Variants in ZNF277 observed in about 807,000 individuals in gnomAD.
The protein encoded by ZNF277 is zinc finger protein 277.
ZNF277 carries 55 observed loss-of-function variants against 60.7 expected under a neutral mutation model. The observed-to-expected ratio is 0.91, with a 90% CI of 0.73 to 1.13. The LOEUF is 1.13. Ranked by LOEUF, ZNF277 falls within the 50% of genes most tolerant of loss-of-function variation. The pLI is 0.00. For missense variants in ZNF277, 510 were observed against 523.0 expected (o/e 0.98, Z 0.24); for synonymous variants, 178 against 179.3 (o/e 0.99, Z 0.06).
In ZNF277 at chr7:112,306,091, G is replaced by A. The variant is rs192100161; in HGVS notation, c.465+9780G>A. On this transcript the variant is annotated intron_variant, in intron 4 of 11. Transcript: ENST00000361822. The stretch of plus-strand genomic sequence containing the variant: ...TTCAAGTTTCCATTTTCTTGACCAC[G>A]TACTATTTATTTTCTATCCTGAACT... Among the ~76,000 whole-genome samples, 565 of 151,848 alleles carry A rather than the reference G, an allele frequency of 3.7e-3. 16 individuals are homozygous for A. Among genetic ancestry groups the A allele is most frequent in the Non-Finnish European group, 3.5e-4 (24 of 67,948 alleles).
intron 10 of ZNF277, 127 bp from the exon 11 acceptor site, chr7:112,340,745 A>G (rs560562565): frequency 4.1e-6 from 3 of 726,782 alleles, no homozygotes; most frequent in Admixed American, 5.8e-5. Flanking sequence ...ATCTATTATT[A>G]TGCTTTATAA....
intron 1 of ZNF277, among the ~76,000 whole-genome samples, chr7:112,237,411 C>A (rs1041221062): frequency 8.6e-5 from 13 of 151,674 alleles, no homozygotes; most frequent in Non-Finnish European, 1.8e-4. Flanking sequence ...CAAAAAAAAT[C>A]AATGAAACAA....
Position 112,206,742 on chromosome 7 carries a change from C to T in ZNF277, c.26C>T (p.Ala9Val), listed in dbSNP as rs753857858. Reference protein sequence around the residue: MAASKTQGAVARMQEDRDG... With the variant: MAASKTQGVVARMQEDRDG... ...ATGGCTGCTTCCAAGACCCAGGGGGCTGTCGCCCGAATGCAGGAAGACCGT... is the reference window on the plus strand; with the variant it reads ...ATGGCTGCTTCCAAGACCCAGGGGGTTGTCGCCCGAATGCAGGAAGACCGT... Residue 9 changes from alanine to valine, a missense_variant, in exon 1 of 12, where the codon GCT becomes GTT. Physicochemically the swap from Ala to Val is moderately conservative, Grantham distance 64. Transcript: ENST00000361822. 2.5e-6 allele frequency: 4 copies of T among 1,613,026 alleles called. No individual in the cohort carries two copies. The highest frequency in any genetic ancestry group is 1.1e-5 in the South Asian group (1 of 91,036).
chr7:112,209,758 A>G (rs185422675), intron 1 of ZNF277, among the ~76,000 whole-genome samples: 1 of 152,192 alleles, frequency 6.6e-6, no homozygotes, highest in African/African-American at 2.4e-5. Context: ...TTAAAAGTAT[A>G]TTTTTTGTTA....
intron 1 of ZNF277, among the ~76,000 whole-genome samples, chr7:112,282,477 G>A (rs949966900): frequency 6.6e-6 from 1 of 152,240 alleles, no homozygotes; most frequent in Non-Finnish European, 1.5e-5. Flanking sequence ...TCCTTGACTA[G>A]TGACTGGCAC....
At chr7:112,249,631 G>A (rs1221592407) in intron 1 of ZNF277, among the ~76,000 whole-genome samples, 2 of 152,192 alleles carry the variant, frequency 1.3e-5, no homozygotes, top group Non-Finnish European at 2.9e-5. Context: ...GACCCCAAAT[G>A]GAGGGACCGG....
At chr7:112,317,642 A>G (rs1264368357) in intron 4 of ZNF277, among the ~76,000 whole-genome samples, 1 of 152,146 alleles carries the variant, frequency 6.6e-6, no homozygotes, top group African/African-American at 2.4e-5. Flanking sequence ...AATATTAAGA[A>G]AAATTCTAGC....
At chr7:112,268,387 C>G (rs1009107045) in intron 1 of ZNF277, among the ~76,000 whole-genome samples, 6 of 151,348 alleles carry the variant, frequency 4.0e-5, no homozygotes, top group Admixed American at 1.3e-4. Context: ...ATAGGACTTA[C>G]CATGAGGTAA....
chr7:112,257,115 T>A (rs1002316020), intron 1 of ZNF277, among the ~76,000 whole-genome samples: 57 of 152,230 alleles, frequency 3.7e-4, no homozygotes, highest in Non-Finnish European at 1.5e-5. Context: ...CTACAAACAT[T>A]GTGTATTGAT....
intron 1 of ZNF277, among the ~76,000 whole-genome samples, chr7:112,221,166 C>T (rs946276422): frequency 5.9e-5 from 9 of 152,152 alleles, no homozygotes; most frequent in African/African-American, 2.2e-4. Flanking sequence ...TAAAGGCTGG[C>T]CATCGTTCCT....
intron 4 of ZNF277, among the ~76,000 whole-genome samples, chr7:112,313,459 T>C (rs1361486065): frequency 1.3e-5 from 2 of 151,966 alleles, no homozygotes; most frequent in African/African-American, 2.4e-5. Context: ...ATTGTTTTAT[T>C]TTTAGTAATG....
chr7:112,225,552 GT>G (rs1301645224), intron 1 of ZNF277, among the ~76,000 whole-genome samples: 2 of 152,072 alleles, frequency 1.3e-5, no homozygotes, highest in African/African-American at 4.8e-5. Context: ...ATTTTTAGAT[GT>G]CAGTAGTTAT....
At chr7:112,313,274 G>GT (rs35785713) in intron 4 of ZNF277, among the ~76,000 whole-genome samples, 87 of 141,850 alleles carry the variant, frequency 6.1e-4, no homozygotes, top group African/African-American at 1.6e-3. Context: ...TAAAAAGTAT[G>GT]TTTTAAAATT....
At chr7:112,266,805 G>A (rs1791562070) in intron 1 of ZNF277, among the ~76,000 whole-genome samples, 1 of 151,902 alleles carries the variant, frequency 6.6e-6, no homozygotes. Context: ...AATATCCCTG[G>A]GCTATTTATA....
At chr7:112,290,306 G>A (rs986725353) in intron 2 of ZNF277, among the ~76,000 whole-genome samples, 1 of 152,138 alleles carries the variant, frequency 6.6e-6, no homozygotes, top group Admixed American at 6.6e-5. Context: ...GTGCTTATGT[G>A]TCATAGTTAA....
At chr7:112,308,513 T>A (rs1792651250) in intron 4 of ZNF277, among the ~76,000 whole-genome samples, 1 of 149,880 alleles carries the variant, frequency 6.7e-6, no homozygotes, top group African/African-American at 2.5e-5. Context: ...CAAGATTATG[T>A]CTTAAAAAAA....
In ZNF277 at chr7:112,240,981, A is replaced by G. The variant is rs369568291; in HGVS notation, c.91+34174A>G. ...TTAGTATATCCCAAAAGCTCAGGCA[A>G]CCAAAGCAAAAATGGACAGATGGGA... On this transcript the variant is annotated intron_variant, in intron 1 of 11. Coordinates refer to ENST00000361822, the MANE Select transcript of ZNF277 (RefSeq NM_021994.3). 2.6e-5 allele frequency among the ~76,000 whole-genome samples: 4 copies of G among 152,196 alleles called. No individual in the cohort carries two copies. The East Asian group carries it at 5.8e-4, about 22-fold the overall frequency.
At chr7:112,243,483 GA>G (rs570341286) in intron 1 of ZNF277, among the ~76,000 whole-genome samples, 8,118 of 101,022 alleles carry the variant, frequency 0.08, 309 homozygotes, top group South Asian at 0.19. Context: ...AACTAAACAA[GA>G]AAAAAAAAAA....
chr7:112,303,933 T>C (rs938266201), intron 4 of ZNF277, among the ~76,000 whole-genome samples: 18 of 152,148 alleles, frequency 1.2e-4, no homozygotes, highest in African/African-American at 4.3e-4. Flanking sequence ...CATTGCAGTT[T>C]CAGAAACGGT....
Sources: gnomAD v4.1 joint callset for allele counts (sites outside exome capture counted in the v4.1 genomes callset) on GRCh38, gnomAD v4.1.1 for gene constraint, MANE v1.5 for transcripts, NCBI Gene and HGNC (gene_info 2026-07-23, HGNC 2026-07-21) for gene names.